Variants in MPRIP observed in about 807,000 individuals in gnomAD.
The protein encoded by MPRIP is myosin phosphatase Rho interacting protein.
MPRIP carries 59 observed loss-of-function variants against 234.9 expected under a neutral mutation model. That is an observed-to-expected ratio of 0.25 (90% CI 0.20 to 0.31). MPRIP has a LOEUF of 0.31. MPRIP is among the 10% of genes least tolerant of loss of function. The pLI, the probability that MPRIP is intolerant of heterozygous loss-of-function variation, is 1.00. For synonymous variants in MPRIP, 1,144 were observed against 1,263.9 expected (o/e 0.91, Z 2.01); for missense variants, 2,436 against 3,071.0 (o/e 0.79, Z 4.89).
At position 17,185,669 on chromosome 17, in the gene MPRIP, C is replaced by T; in HGVS notation, c.*775C>T. 2.5e-6 allele frequency: 1 copy of T among 398,202 alleles called. No individual in the cohort carries two copies. Among genetic ancestry groups the T allele is most frequent in the South Asian group, 1.8e-5 (1 of 55,420 alleles). The allele number at this position is 398,202 out of a possible 1,614,324, so 24.7% of individuals were successfully genotyped here. A position where few individuals can be genotyped will look rare whatever the true frequency, so the allele number is the denominator to read the frequency against. Reference sequence around the variant, plus strand: ...CTGCTCGAGATTGTTGACCTGCAGCCCAGGTTTCAGACTCTGATTGCAAAA... The same window carrying T: ...CTGCTCGAGATTGTTGACCTGCAGCTCAGGTTTCAGACTCTGATTGCAAAA... On this transcript the variant is annotated 3_prime_UTR_variant, in exon 24 of 24. Coordinates refer to ENST00000651222, the MANE Select transcript of MPRIP (RefSeq NM_001364716.4).
At chr17:17,173,886 G>T (rs1360014459) in intron 18 of MPRIP, 30 bp from the exon 19 acceptor site, 1 of 1,613,048 alleles carries the variant, frequency 6.2e-7, no homozygotes, top group Admixed American at 1.7e-5. Context: ...CCAGAAGCAG[G>T]CAGAGGAGTG....
chr17:17,172,674 C>A, intron 17 of MPRIP, 24 bp from the exon 18 acceptor site: 2 of 1,599,320 alleles, frequency 1.3e-6, no homozygotes, highest in Non-Finnish European at 1.7e-6. Flanking sequence ...TCCCTCGGTG[C>A]TGAGGCCGTG....
At chr17:17,177,150 A>C in intron 21 of MPRIP, 100 bp from the exon 22 acceptor site, 1 of 1,213,866 alleles carries the variant, frequency 8.2e-7, no homozygotes, top group East Asian at 2.4e-5. Flanking sequence ...CGCCCACAGC[A>C]AGCCTCCCTA....
At chr17:17,122,902 G>A (rs908905649) in intron 3 of MPRIP, among the ~76,000 whole-genome samples, 1 of 152,158 alleles carries the variant, frequency 6.6e-6, no homozygotes, top group African/African-American at 2.4e-5. Context: ...TGAGAGCACA[G>A]GAGCACTGTA....
chr17:17,154,111 A>AAAG (rs2045671895), intron 12 of MPRIP, among the ~76,000 whole-genome samples, 195 bp from the exon 13 acceptor site: 1 of 152,134 alleles, frequency 6.6e-6, no homozygotes, highest in Non-Finnish European at 1.5e-5. Context: ...CGTCCCTCCC[A>AAAG]CAGCTTTGAC....
In MPRIP at chr17:17,159,008, A is replaced by C; in HGVS notation, c.2400+6A>C. 6.2e-7 allele frequency: 1 copy of C among 1,607,818 alleles called. No individual in the cohort carries two copies. The highest frequency in any genetic ancestry group is 8.5e-7 in the Non-Finnish European group (1 of 1,177,154). ...CCTCTCTGCTCGAGAAGGAGGTAAT[A>C]GCCTGGGACCAGATCCCCACCCTGC... On this transcript the variant is annotated splice_donor_region_variant and intron_variant, in intron 14 of 23. Coordinates refer to ENST00000651222, the MANE Select transcript of MPRIP (RefSeq NM_001364716.4).
intron 1 of MPRIP, among the ~76,000 whole-genome samples, chr17:17,045,358 A>G (rs185441835): frequency 9.1e-4 from 139 of 152,250 alleles, no homozygotes; most frequent in African/African-American, 3.2e-3. Flanking sequence ...TTTCCCCTAG[A>G]GAGGCACAGA....
intron 1 of MPRIP, among the ~76,000 whole-genome samples, chr17:17,046,711 G>A (rs549146469): frequency 6.6e-6 from 1 of 152,216 alleles, no homozygotes; most frequent in African/African-American, 2.4e-5. Context: ...AAGTGCTTTA[G>A]GTCAGGGGTC....
In MPRIP at chr17:17,146,092, G is replaced by A; in HGVS notation, c.1560G>A (p.Gln520=). ...TGACTAAGCAGTATGAGGACGGCCA[G>A]GTGAGTGTGCAGGGTTGCCGTGGCC... ...GWLTKQYEDG[Q]WKKHWFVLAD... is the part of the protein sequence containing the mutation. The change falls in exon 10 of 24, where the codon CAG becomes CAA. Residue 520 remains glutamine (Q), a splice_region_variant and synonymous_variant. Transcript: ENST00000651222. 5 of 1,614,020 alleles carry A rather than the reference G, an allele frequency of 3.1e-6. No homozygotes were observed. Among genetic ancestry groups the A allele is most frequent in the Non-Finnish European group, 4.2e-6 (5 of 1,179,972 alleles).
chr17:17,150,720 T>C (rs1306729998), intron 12 of MPRIP, among the ~76,000 whole-genome samples: 1 of 138,736 alleles, frequency 7.2e-6, no homozygotes, highest in Non-Finnish European at 1.6e-5. Context: ...AAAAAAAAAA[T>C]CTTATTGGTA....
chr17:17,180,586 G>A (rs368801522), intron 23 of MPRIP: 74 of 1,609,712 alleles, frequency 4.6e-5, no homozygotes, highest in Non-Finnish European at 6.2e-5. Flanking sequence ...TGTGTCTCAT[G>A]TCTGCTCTCT....
chr17:17,143,410 G>A, intron 8 of MPRIP, 146 bp from the exon 9 acceptor site: 1 of 500,774 alleles, frequency 2.0e-6, no homozygotes, highest in Non-Finnish European at 3.5e-6. Context: ...CCCTGCTGCA[G>A]ACTTGCTATG....
intron 12 of MPRIP, among the ~76,000 whole-genome samples, chr17:17,154,000 C>A (rs969214420): frequency 7.2e-5 from 11 of 152,176 alleles, no homozygotes; most frequent in African/African-American, 2.7e-4. Context: ...GCAGCATCCT[C>A]CTCTGTCTGA....
At chr17:17,180,195 C>A in intron 23 of MPRIP, 107 bp downstream of exon 23, 1 of 965,820 alleles carries the variant, frequency 1.0e-6, no homozygotes, top group South Asian at 1.7e-5. Context: ...GCCAAAGCCC[C>A]AGGGCCCAGC....
At chr17:17,174,861 A>G (rs1342009721) in intron 19 of MPRIP, among the ~76,000 whole-genome samples, 2 of 152,072 alleles carry the variant, frequency 1.3e-5, no homozygotes, top group East Asian at 3.9e-4. Context: ...AATCCTGGCT[A>G]ATGGAAAGGT....
At position 17,166,130 on chromosome 17, in the gene MPRIP, C is replaced by T. The variant is rs2045989871; in HGVS notation, c.4539C>T (p.Val1513=). 13 of 1,301,396 alleles carry T rather than the reference C, an allele frequency of 1.0e-5. No individual in the cohort carries two copies. Among genetic ancestry groups the T allele is most frequent in the Non-Finnish European group, 1.3e-5 (13 of 987,200 alleles). The allele number at this position is 1,301,396 out of a possible 1,614,324, so 80.6% of individuals were successfully genotyped here. A position where few individuals can be genotyped will look rare whatever the true frequency, so the allele number is the denominator to read the frequency against. Residue 1513 remains valine, a synonymous_variant, in exon 16 of 24, where the codon GTC becomes GTT. Transcript: ENST00000651222. The surrounding 1 kb of genome is among the most constrained non-coding windows in gnomAD (Gnocchi z 4.4). ...TGGCCAGTGTGGAGAGTGCACTCGT[C>T]AGCGCCATCCAAGCCCTGCAGCACT... The part of the protein sequence containing the change: ...ASLASVESAL[V]SAIQALQHWP...
At chr17:17,056,128 G>C (rs1171628486) in intron 1 of MPRIP, among the ~76,000 whole-genome samples, 1 of 152,200 alleles carries the variant, frequency 6.6e-6, no homozygotes, top group Non-Finnish European at 1.5e-5. Flanking sequence ...GAGCGGGGCT[G>C]ACCACCTTGG....
At chr17:17,161,687 ATG>A (rs1248214181) in intron 15 of MPRIP, among the ~76,000 whole-genome samples, 4 of 152,208 alleles carry the variant, frequency 2.6e-5, no homozygotes, top group African/African-American at 9.6e-5. Context: ...ATACATTTGC[ATG>A]TGATTTCTCA....
chr17:17,190,785 G>A lies in MPRIP; in HGVS notation c.*5891G>A, dbSNP rs2046571282. 6.6e-6 allele frequency: 1 copy of A among 152,110 alleles called. No homozygotes were observed. Among genetic ancestry groups the A allele is most frequent in the Non-Finnish European group, 1.5e-5 (1 of 68,024 alleles). 9.4% of individuals were successfully genotyped at this position (152,110 alleles called of 1,614,324 possible). ...CTTGGGTCCGAGTCCTTAGGTGTTC[G>A]GATGCAGTACTTTGTGAATACTTAA... On this transcript the variant is annotated 3_prime_UTR_variant, in exon 24 of 24. Coordinates refer to ENST00000651222, the MANE Select transcript of MPRIP (RefSeq NM_001364716.4).
Sources: allele counts gnomAD v4.1 joint callset (sites outside exome capture counted in the v4.1 genomes callset), GRCh38; gene constraint gnomAD v4.1.1; non-coding constraint Gnocchi (gnomAD v3.1); transcripts MANE v1.5; gene names NCBI Gene and HGNC (gene_info 2026-07-23, HGNC 2026-07-21).